PDE3A: variants seen among roughly 807,000 people sequenced by gnomAD.
PDE3A encodes the protein phosphodiesterase 3A.
A neutral mutation model predicts 98.3 loss-of-function variants in PDE3A; 43 were observed. The ratio of observed to expected loss-of-function variants is 0.44; its 90% confidence interval spans 0.34 to 0.56. The LOEUF is 0.56. Among genes scored for constraint, PDE3A ranks in the 20% least tolerant of loss-of-function variants. PDE3A has a pLI of 0.01. For missense variants in PDE3A, 1,427 were observed against 1,440.7 expected (o/e 0.99, Z 0.15); for synonymous variants, 663 against 567.9 (o/e 1.17, Z -2.38).
At chr12:20,607,678 G>A (rs551928916) in intron 2 of PDE3A, among the ~76,000 whole-genome samples, 1 of 151,798 alleles carries the variant, frequency 6.6e-6, no homozygotes, top group Non-Finnish European at 1.5e-5. Context: ...ATTACAAGGA[G>A]AGTCTGTGAA....
At chr12:20,567,701 T>G (rs1942696484) in intron 2 of PDE3A, among the ~76,000 whole-genome samples, 1 of 151,850 alleles carries the variant, frequency 6.6e-6, no homozygotes, top group Admixed American at 6.6e-5. Flanking sequence ...TCATGCAGCT[T>G]AGGGATCTGA....
At chr12:20,533,632 C>A (rs1941672048) in intron 1 of PDE3A, among the ~76,000 whole-genome samples, 1 of 151,880 alleles carries the variant, frequency 6.6e-6, no homozygotes, top group Non-Finnish European at 1.5e-5. Context: ...CAGGCGCCAC[C>A]ACCACACCCA....
In PDE3A at chr12:20,639,898, C is replaced by A; in HGVS notation, c.2192C>A (p.Pro731Gln). 6.3e-7 allele frequency: 1 copy of A among 1,583,696 alleles called. No homozygotes were observed. The highest frequency in any genetic ancestry group is 8.7e-7 in the Non-Finnish European group (1 of 1,153,160). ...GGCCTCTTTGAAGCTTTTAAAATTCCAATTAGGGAATTTATGAATTATTTT... is the reference window on the plus strand; with the variant it reads ...GGCCTCTTTGAAGCTTTTAAAATTCAAATTAGGGAATTTATGAATTATTTT... The part of the protein sequence containing the change: ...DMGLFEAFKI[P>Q]IREFMNYFHA... The change falls in exon 10 of 16, where the codon CCA (proline) becomes CAA (glutamine). Residue 731 changes from proline (P) to glutamine (Q), a missense_variant. This residue lies in a region of PDE3A where 273 missense variants were observed against 420.3 expected (regional missense o/e 0.65). Transcript: ENST00000359062.
chr12:20,549,961 A>C (rs1384496121), intron 1 of PDE3A, among the ~76,000 whole-genome samples: 1 of 152,138 alleles, frequency 6.6e-6, no homozygotes, highest in Non-Finnish European at 1.5e-5. Context: ...TTCTGGAGTA[A>C]ATGATGACCC....
chr12:20,574,959 C>T (rs897607378), intron 2 of PDE3A, among the ~76,000 whole-genome samples: 1 of 151,936 alleles, frequency 6.6e-6, no homozygotes, highest in Non-Finnish European at 1.5e-5. Flanking sequence ...GAGATGGCAT[C>T]GAAACCAAGC....
intron 1 of PDE3A, among the ~76,000 whole-genome samples, chr12:20,545,664 A>C (rs1942031442): frequency 6.6e-6 from 1 of 151,896 alleles, no homozygotes; most frequent in African/African-American, 2.4e-5. Flanking sequence ...GGGGAACAGT[A>C]AGAGATTTAG....
At position 20,639,899 on chromosome 12, in the gene PDE3A, A is replaced by G. The variant is rs762342926; in HGVS notation, c.2193A>G (p.Pro731=). The G allele has an allele frequency of 1.3e-6, 2 of 1,581,852 alleles. No individual in the cohort carries two copies. Among genetic ancestry groups the G allele is most frequent in the South Asian group, 1.1e-5 (1 of 90,336 alleles). The part of the protein sequence containing the change: ...DMGLFEAFKI[P]IREFMNYFHA... ...GCCTCTTTGAAGCTTTTAAAATTCCAATTAGGGAATTTATGAATTATTTTC... is the reference window on the plus strand; with the variant it reads ...GCCTCTTTGAAGCTTTTAAAATTCCGATTAGGGAATTTATGAATTATTTTC... The change falls in exon 10 of 16, where the codon CCA becomes CCG. Residue 731 remains proline, a synonymous_variant. Coordinates refer to ENST00000359062, the MANE Select transcript of PDE3A (RefSeq NM_000921.5).
In PDE3A at chr12:20,405,095, A is replaced by C. The variant is rs527305710; in HGVS notation, c.960+34851A>C. Among the ~76,000 whole-genome samples the C allele has an allele frequency of 3.3e-5, 5 of 152,226 alleles. No homozygotes were observed. In the East Asian group the frequency reaches 9.6e-4, roughly 29 times the overall value. ...GTGAAGGAGGGATAAGCGTCAGAGG[A>C]AATGGAAAAGGGGAAATAGAAAAGA... On this transcript the variant is annotated intron_variant, in intron 1 of 15. Coordinates refer to ENST00000359062, the MANE Select transcript of PDE3A (RefSeq NM_000921.5).
intron 1 of PDE3A, among the ~76,000 whole-genome samples, chr12:20,520,664 G>A (rs143004539): frequency 1.3e-3 from 198 of 152,296 alleles, no homozygotes; most frequent in African/African-American, 4.1e-3. Context: ...ATTGCCAAAT[G>A]ATTTCTAGGA....
chr12:20,667,448 G>C (rs1299089983), intron 15 of PDE3A, among the ~76,000 whole-genome samples: 1 of 151,994 alleles, frequency 6.6e-6, no homozygotes, highest in Non-Finnish European at 1.5e-5. Context: ...GTTGATTTTT[G>C]TATATAGTGA....
chr12:20,610,139 A>C (rs1305864761), intron 2 of PDE3A, among the ~76,000 whole-genome samples: 1 of 152,062 alleles, frequency 6.6e-6, no homozygotes, highest in African/African-American at 2.4e-5. Context: ...AAATATTGGC[A>C]AAGCATGTAT....
At chr12:20,386,785 C>A (rs942265955) in intron 1 of PDE3A, among the ~76,000 whole-genome samples, 4 of 151,964 alleles carry the variant, frequency 2.6e-5, no homozygotes, top group Non-Finnish European at 5.9e-5. Context: ...TAATTAGATC[C>A]ATTTCTCAAT....
At chr12:20,594,121 A>G (rs970942508) in intron 2 of PDE3A, among the ~76,000 whole-genome samples, 1 of 152,182 alleles carries the variant, frequency 6.6e-6, no homozygotes, top group African/African-American at 2.4e-5. Context: ...GGCTTTCAAA[A>G]TGTTAATAGA....
intron 15 of PDE3A, among the ~76,000 whole-genome samples, chr12:20,660,096 C>T (rs781481419): frequency 5.3e-5 from 8 of 152,092 alleles, no homozygotes; most frequent in Non-Finnish European, 8.8e-5. Flanking sequence ...GAGTTACCCC[C>T]ATGCTACTGT....
intron 1 of PDE3A, among the ~76,000 whole-genome samples, chr12:20,555,962 T>C (rs1942359077): frequency 6.9e-6 from 1 of 145,064 alleles, no homozygotes. Context: ...CAGCTGGTAC[T>C]GATGACTAAT....
intron 1 of PDE3A, among the ~76,000 whole-genome samples, chr12:20,462,198 G>A (rs1050708033): frequency 6.6e-6 from 1 of 152,270 alleles, no homozygotes; most frequent in East Asian, 1.9e-4. Flanking sequence ...ATTAAAAATT[G>A]AACTACTAGA....
In PDE3A at chr12:20,369,375, C is replaced by T. The variant is rs1038607383; in HGVS notation, c.91C>T (p.His31Tyr). 3 of 1,549,976 alleles carry T rather than the reference C, an allele frequency of 1.9e-6. No individual in the cohort carries two copies. Among genetic ancestry groups the T allele is most frequent in the East Asian group, 4.9e-5 (2 of 40,926 alleles). ...QAPTAGRDCH[H>Y]RADPASPRDS... ...CCCCACGGCGGGCCGGGACTGCCAC[C>T]ATCGTGCGGACCCCGCATCGCCGCG... The change falls in exon 1 of 16, where the codon CAT becomes TAT. Residue 31 changes from histidine to tyrosine, a missense_variant. Physicochemically the swap from His to Tyr is moderately conservative, Grantham distance 83. Coordinates refer to ENST00000359062, the MANE Select transcript of PDE3A (RefSeq NM_000921.5).
At chr12:20,614,153 C>T (rs2121456194) in intron 3 of PDE3A, among the ~76,000 whole-genome samples, 1 of 5,364 alleles carries the variant, frequency 1.9e-4, no homozygotes, top group Admixed American at 3.4e-3. Context: ...CCTGACTTTC[C>T]AATACACAGT....
intron 1 of PDE3A, among the ~76,000 whole-genome samples, chr12:20,375,392 T>G (rs1943552001): frequency 6.6e-6 from 1 of 152,014 alleles, no homozygotes; most frequent in East Asian, 1.9e-4. Flanking sequence ...TTGTTTTAAC[T>G]TTGAACTGAG....
Sources: allele counts gnomAD v4.1 joint callset (sites outside exome capture counted in the v4.1 genomes callset), GRCh38; gene constraint gnomAD v4.1.1; regional missense constraint gnomAD v4.1.1; transcripts MANE v1.5; gene names NCBI Gene and HGNC (gene_info 2026-07-23, HGNC 2026-07-21).